IGDCC3: variants seen among roughly 807,000 people sequenced by gnomAD.
IGDCC3 encodes the protein putative neuronal cell adhesion molecule.
A neutral mutation model predicts 72.0 loss-of-function variants in IGDCC3; 47 were observed. The observed-to-expected ratio is 0.65, with a 90% CI of 0.52 to 0.83. The LOEUF is 0.83. Ranked by LOEUF, IGDCC3 falls within the 40% of genes least tolerant of loss-of-function variation. IGDCC3 has a pLI of 0.00. For synonymous variants in IGDCC3, 477 were observed against 472.8 expected (o/e 1.01, Z -0.11); for missense variants, 1,038 against 1,091.3 (o/e 0.95, Z 0.69).
At position 65,330,725 on chromosome 15, in the gene IGDCC3, T is replaced by G. The variant is rs2090969497; in HGVS notation, c.1578A>C (p.Pro526=). 1.2e-6 allele frequency: 2 copies of G among 1,609,090 alleles called. No homozygotes were observed. Among genetic ancestry groups the G allele is most frequent in the Non-Finnish European group, 1.7e-6 (2 of 1,177,464 alleles). ...AGCTGCCCAGGACTCGCACTGACAG[T>G]GGGGGTGGGGCAGGGGCTGCAGGTA... ...STLGEAPAPP[P]LSVRVLGSSS... is the part of the protein sequence containing the mutation. The change falls in exon 10 of 14, where the codon CCA becomes CCC. Residue 526 remains proline (P), a synonymous_variant. Transcript: ENST00000327987.
chr15:65,357,856 G>A (rs1054916984), intron 2 of IGDCC3, among the ~76,000 whole-genome samples: 11 of 152,118 alleles, frequency 7.2e-5, no homozygotes, highest in African/African-American at 2.4e-4. Flanking sequence ...TGCAGCTGCC[G>A]AACTACTCCC....
intron 2 of IGDCC3, among the ~76,000 whole-genome samples, chr15:65,374,694 C>T (rs1206786662): frequency 6.6e-6 from 1 of 151,944 alleles, no homozygotes; most frequent in East Asian, 1.9e-4. Context: ...TGCATGTAGC[C>T]GAAATTACCC....
intron 2 of IGDCC3, among the ~76,000 whole-genome samples, chr15:65,353,529 C>T (rs1361683028): frequency 2.0e-5 from 3 of 152,158 alleles, no homozygotes; most frequent in African/African-American, 4.8e-5. Context: ...GGATTACAGG[C>T]GTGAGCCACC....
chr15:65,335,916 AC>A lies in IGDCC3; in HGVS notation c.449del (p.Gly150ValfsTer20). The A allele has an allele frequency of 6.2e-7, 1 of 1,613,860 alleles. No individual in the cohort carries two copies. The highest frequency in any genetic ancestry group is 8.5e-7 in the Non-Finnish European group (1 of 1,179,898). On this transcript the variant is annotated frameshift_variant, in exon 3 of 14. Coordinates refer to ENST00000327987, the MANE Select transcript of IGDCC3 (RefSeq NM_004884.4). LOFTEE classifies it high-confidence loss of function. The stretch of plus-strand genomic sequence containing the variant: ...GGAAGCGGGCCACACCACCCTCCTC[AC>A]CCACGGTGGCCTGGGGATGCACGTG... ...DFHVHPQATV[G>X]EEGGVARFQC...
At chr15:65,368,018 G>C (rs1376373568) in intron 2 of IGDCC3, among the ~76,000 whole-genome samples, 1 of 152,122 alleles carries the variant, frequency 6.6e-6, no homozygotes, top group Non-Finnish European at 1.5e-5. Context: ...ATTTTTGGTG[G>C]AATCACTCAG....
At chr15:65,340,425 C>T (rs2091070330) in intron 2 of IGDCC3, among the ~76,000 whole-genome samples, 1 of 152,202 alleles carries the variant, frequency 6.6e-6, no homozygotes, top group South Asian at 2.1e-4. Flanking sequence ...GAGTTCAAAA[C>T]ATAACCTTTG....
In IGDCC3 at chr15:65,362,513, T is replaced by G. The variant is rs1239882644; in HGVS notation, c.409+12584A>C. Among the ~76,000 whole-genome samples the G allele has an allele frequency of 3.7e-5, 5 of 133,740 alleles. No homozygotes were observed. The East Asian group carries it at 1.0e-3, about 28-fold the overall frequency. The allele number at this position is 133,740 out of a possible 152,430, so 87.7% of individuals were successfully genotyped here. On this transcript the variant is annotated intron_variant, in intron 2 of 13. Transcript: ENST00000327987. Reference sequence around the variant, plus strand: ...CAGGACTCCCCTGGCTTCTCTGACCTGCTCACACGAAGCCTGAACAAAAGG... The same window carrying G: ...CAGGACTCCCCTGGCTTCTCTGACCGGCTCACACGAAGCCTGAACAAAAGG...
In IGDCC3 at chr15:65,377,855, GCGGGGCCGGCGC is replaced by G. The variant is rs1273749606; in HGVS notation, c.-79_-68del. 4 of 1,084,408 alleles carry G rather than the reference GCGGGGCCGGCGC, an allele frequency of 3.7e-6. No individual in the cohort carries two copies. The highest frequency in any genetic ancestry group is 4.5e-6 in the Non-Finnish European group (4 of 895,110). The allele number at this position is 1,084,408 out of a possible 1,614,324, so 67.2% of individuals were successfully genotyped here. ...GGCCTCTCGCGGCTCACAGCGTCCC[GCGGGGCCGGCGC>G]CGGGGCCGGGGCTGGGGCTCCGGCC... On this transcript the variant is annotated 5_prime_UTR_variant, in exon 1 of 14. Transcript: ENST00000327987. This position sits in a 1 kb window ranked among gnomAD's most constrained non-coding sequence, Gnocchi z 4.9.
At chr15:65,361,474 G>A (rs930296831) in intron 2 of IGDCC3, among the ~76,000 whole-genome samples, 2 of 148,108 alleles carry the variant, frequency 1.4e-5, no homozygotes, top group Non-Finnish European at 2.9e-5. Context: ...AAAAGAAATG[G>A]AAAAGAAAAG....
Position 65,329,706 on chromosome 15 carries a change from C to A in IGDCC3, c.1997+20G>T, listed in dbSNP as rs72731326. On this transcript the variant is annotated intron_variant, in intron 12 of 13. Transcript: ENST00000327987. The surrounding 1 kb of genome is among the most constrained non-coding windows in gnomAD (Gnocchi z 4.1). ...TCCCCCACACACCAGCCCAGCCCCTCTCCCTGGCCCAGGACCCACCTGCCC... is the reference window on the plus strand; with the variant it reads ...TCCCCCACACACCAGCCCAGCCCCTATCCCTGGCCCAGGACCCACCTGCCC... The A allele has an allele frequency of 0.031, 49,347 of 1,613,844 alleles. 897 individuals are homozygous for A. Among genetic ancestry groups the A allele is most frequent in the Non-Finnish European group, 0.036 (42,212 of 1,179,852 alleles).
Position 65,335,958 on chromosome 15 carries a change from T to TG in IGDCC3, c.410-3dup, listed in dbSNP as rs774021026. The TG allele has an allele frequency of 2.0e-5, 33 of 1,613,996 alleles. No homozygotes were observed. Among genetic ancestry groups the TG allele is most frequent in the Non-Finnish European group, 2.6e-5 (31 of 1,179,966 alleles). ...GATGCACGTGGAAGTCCGACATGGC[T>TG]GGGGGAAGAGAAGTGTATGAGTGCA... is the stretch of plus-strand genomic sequence containing the variant. On this transcript the variant is annotated splice_region_variant and splice_polypyrimidine_tract_variant and intron_variant, in intron 2 of 13. Transcript: ENST00000327987.
At chr15:65,364,184 GC>G (rs2091276544) in intron 2 of IGDCC3, among the ~76,000 whole-genome samples, 1 of 152,186 alleles carries the variant, frequency 6.6e-6, no homozygotes, top group South Asian at 2.1e-4. Flanking sequence ...GTGAGCCCCT[GC>G]TAGAGACATT....
intron 2 of IGDCC3, among the ~76,000 whole-genome samples, chr15:65,353,572 A>C (rs987004207): frequency 6.6e-6 from 1 of 152,120 alleles, no homozygotes; most frequent in Admixed American, 6.6e-5. Flanking sequence ...GGCATTCTAA[A>C]TCACAGGATA....
chr15:65,330,777 C>A (rs1390822849), intron 9 of IGDCC3, 36 bp from the exon 10 acceptor site: 7 of 1,496,848 alleles, frequency 4.7e-6, no homozygotes, highest in Non-Finnish European at 6.4e-6. Context: ...TGTGAGGACC[C>A]AGTGGAAGCT....
In IGDCC3 at chr15:65,329,462, A is replaced by G; in HGVS notation, c.2133T>C (p.Arg711=). 6.2e-7 allele frequency: 1 copy of G among 1,610,446 alleles called. No individual in the cohort carries two copies. Among genetic ancestry groups the G allele is most frequent in the East Asian group, 2.2e-5 (1 of 44,814 alleles). Reference sequence around the variant, plus strand: ...GCTGCTCCAGCTCCTTCATATCCACACGTTTCTCGTCTCGGCCCAGCTGGC... The same window carrying G: ...GCTGCTCCAGCTCCTTCATATCCACGCGTTTCTCGTCTCGGCCCAGCTGGC... ...QRGQLGRDEK[R]VDMKELEQLF... The change falls in exon 13 of 14, where the codon CGT becomes CGC. Residue 711 remains arginine (R), a synonymous_variant. Transcript: ENST00000327987. The surrounding 1 kb of genome is among the most constrained non-coding windows in gnomAD (Gnocchi z 4.1).
intron 2 of IGDCC3, among the ~76,000 whole-genome samples, chr15:65,350,565 A>G (rs1267083197): frequency 1.4e-5 from 2 of 146,492 alleles, no homozygotes; most frequent in African/African-American, 5.1e-5. Flanking sequence ...AAGTTCAAGC[A>G]ATTCTCCTGC....
intron 2 of IGDCC3, among the ~76,000 whole-genome samples, chr15:65,346,185 T>C (rs2091122446): frequency 6.6e-6 from 1 of 152,120 alleles, no homozygotes; most frequent in African/African-American, 2.4e-5. Context: ...CCCCCACTAA[T>C]GGGCACTGTG....
In IGDCC3 at chr15:65,330,710, G is replaced by T. The variant is rs374208506; in HGVS notation, c.1593C>A (p.Val531=). 3 of 1,611,784 alleles carry T rather than the reference G, an allele frequency of 1.9e-6. No homozygotes were observed. In the African/African-American group the frequency reaches 4.0e-5, roughly 22 times the overall value. ...APAPPPLSVR[V]LGSSSLQLLW... ...GCAGCTGCAAGGAGGAGCTGCCCAG[G>T]ACTCGCACTGACAGTGGGGGTGGGG... Residue 531 remains valine, a synonymous_variant, in exon 10 of 14, where the codon GTC becomes GTA. Transcript: ENST00000327987.
chr15:65,353,183 A>T (rs1396931209), intron 2 of IGDCC3, among the ~76,000 whole-genome samples: 1 of 150,850 alleles, frequency 6.6e-6, no homozygotes, highest in Non-Finnish European at 1.5e-5. Context: ...AATACAGGAC[A>T]AGCGTACTTT....
Sources: allele counts gnomAD v4.1 joint callset (sites outside exome capture counted in the v4.1 genomes callset), GRCh38; gene constraint gnomAD v4.1.1; non-coding constraint Gnocchi (gnomAD v3.1); transcripts MANE v1.5; gene names NCBI Gene and HGNC (gene_info 2026-07-23, HGNC 2026-07-21).